The following PRSS36 variants were observed in gnomAD, a reference collection of about 807,000 sequenced individuals.
The protein encoded by PRSS36 is serine protease 36.
PRSS36 carries 90 observed loss-of-function variants against 94.3 expected under a neutral mutation model. The ratio of observed to expected loss-of-function variants is 0.95; its 90% CI spans 0.80 to 1.14. The LOEUF is 1.14. Ranked by LOEUF, PRSS36 falls within the 50% of genes most tolerant of loss-of-function variation. The pLI is 0.00. For synonymous variants in PRSS36, 500 were observed against 489.6 expected (o/e 1.02, Z -0.28); for missense variants, 1,158 against 1,135.0 (o/e 1.02, Z -0.29).
intron 14 of PRSS36, among the ~76,000 whole-genome samples, chr16:31,140,047 C>T (rs1471729574): frequency 3.3e-5 from 5 of 151,064 alleles, no homozygotes; most frequent in Non-Finnish European, 5.9e-5. Flanking sequence ...AAAAATTAGC[C>T]GGGCGTAGTA....
Position 31,148,548 on chromosome 16 carries a change from C to G in PRSS36, c.400G>C (p.Val134Leu). The G allele has an allele frequency of 6.2e-7, 1 of 1,606,258 alleles. No homozygotes were observed. The highest frequency in any genetic ancestry group is 2.2e-5 in the East Asian group (1 of 44,738). The change falls in exon 5 of 15, where the codon GTG becomes CTG. Residue 134 changes from valine (V) to leucine (L), a missense_variant. By Grantham distance (32) the Val-to-Leu change is conservative. Transcript: ENST00000268281. ...AIVVPANYSQ[V>L]ELGADLALLR... ...AGGGCCAGGTCGGCGCCCAGCTCCACTTGGCTGTAGTTGGCCGGCACCACG... is the reference window on the plus strand; with the variant it reads ...AGGGCCAGGTCGGCGCCCAGCTCCAGTTGGCTGTAGTTGGCCGGCACCACG...
intron 12 of PRSS36, among the ~76,000 whole-genome samples, chr16:31,141,016 C>A (rs1249512012): frequency 6.6e-6 from 1 of 152,146 alleles, no homozygotes; most frequent in Non-Finnish European, 1.5e-5. Context: ...CCTCTGCCCT[C>A]CCTGGGTTCA....
chr16:31,146,059 A>G (rs1227345910), intron 5 of PRSS36, 104 bp from the exon 6 acceptor site: 12 of 1,085,808 alleles, frequency 1.1e-5, no homozygotes, highest in Non-Finnish European at 1.6e-5. Context: ...CATCAGCTAG[A>G]TGCCCCATGG....
chr16:31,139,055 C>G lies in PRSS36; in HGVS notation c.*83G>C. On this transcript the variant is annotated 3_prime_UTR_variant, in exon 15 of 15. Coordinates refer to ENST00000268281, the MANE Select transcript of PRSS36 (RefSeq NM_173502.5). The stretch of plus-strand genomic sequence containing the variant: ...TCGGTGGGTGGGGCCCTTGAGGTTC[C>G]AGCCGGCTGGGCCACATTCCAGCCC... 1 of 1,458,552 alleles carries G rather than the reference C, an allele frequency of 6.9e-7. No individual in the cohort carries two copies. The highest frequency in any genetic ancestry group is 1.4e-5 in the South Asian group (1 of 70,476). 90.4% of individuals were successfully genotyped at this position (1,458,552 alleles called of 1,614,324 possible).
chr16:31,139,879 C>CAAAAA (rs71151448), intron 14 of PRSS36, among the ~76,000 whole-genome samples: 2 of 42,500 alleles, frequency 4.7e-5, no homozygotes, highest in East Asian at 7.8e-4. Context: ...GACTCAGTCT[C>CAAAAA]AAAAAAAAAA....
At chr16:31,149,945 C>A in intron 1 of PRSS36, 54 bp downstream of exon 1, 2 of 1,600,748 alleles carry the variant, frequency 1.2e-6, no homozygotes, top group Middle Eastern at 1.7e-4. Flanking sequence ...CTCTCCAGCC[C>A]CCCAGATGCC....
intron 5 of PRSS36, among the ~76,000 whole-genome samples, chr16:31,148,137 GA>G: frequency 6.6e-6 from 1 of 152,240 alleles, no homozygotes; most frequent in South Asian, 2.1e-4. Flanking sequence ...ACCCAGGAAA[GA>G]AAAAACTGGA....
Position 31,141,973 on chromosome 16 carries a change from A to T in PRSS36, c.1522-13T>A, listed in dbSNP as rs368871809. 49 of 1,611,540 alleles carry T rather than the reference A, an allele frequency of 3.0e-5. No individual in the cohort carries two copies. Among genetic ancestry groups the T allele is most frequent in the Non-Finnish European group, 4.0e-5 (47 of 1,177,880 alleles). The stretch of plus-strand genomic sequence containing the variant: ...AACGCGAGTCATTCTGCAGCAACAA[A>T]GTGTGTGTGTTACTTGCCTCTGCGT... On this transcript the variant is annotated splice_polypyrimidine_tract_variant and intron_variant, in intron 10 of 14. Transcript: ENST00000268281.
intron 12 of PRSS36, 94 bp downstream of exon 12, chr16:31,141,375 T>TAAACAAACAAA (rs1567444583): frequency 1.3e-6 from 1 of 795,222 alleles, no homozygotes; most frequent in Admixed American, 3.6e-5. Context: ...TTAATTTTTT[T>TAAACAAACAAA]TAAACAAACA....
Position 31,149,726 on chromosome 16 carries a change from T to G in PRSS36, c.43A>C (p.Ser15Arg), listed in dbSNP as rs764269308. The stretch of plus-strand genomic sequence containing the variant: ...TCCTGGAAGGCTCCTGGGATGGGAC[T>G]GATGACTGGAAAGACAGAGGTAGGC... ...LLLPLVMLVI[S>R]PIPGAFQDSA... Residue 15 changes from serine (S) to arginine (R), a missense_variant, in exon 2 of 15, where the codon AGT becomes CGT. Transcript: ENST00000268281. 1.9e-6 allele frequency: 3 copies of G among 1,614,064 alleles called. No individual in the cohort carries two copies. In the South Asian group the frequency reaches 3.3e-5, roughly 18 times the overall value.
chr16:31,146,418 G>A (rs1010058761), intron 5 of PRSS36, among the ~76,000 whole-genome samples: 3 of 152,062 alleles, frequency 2.0e-5, no homozygotes, highest in African/African-American at 7.2e-5. Context: ...CATTTGTGAC[G>A]TCTTGGCATT....
chr16:31,143,128 C>T (rs1176179406), intron 8 of PRSS36, 135 bp from the exon 9 acceptor site: 3 of 1,315,578 alleles, frequency 2.3e-6, no homozygotes, highest in South Asian at 1.6e-5. Context: ...TCCAACAGCT[C>T]ACTCACACCC....
At chr16:31,148,287 C>T (rs1345627098) in intron 5 of PRSS36, 108 bp downstream of exon 5, 4 of 1,257,080 alleles carry the variant, frequency 3.2e-6, no homozygotes, top group Non-Finnish European at 4.2e-6. Context: ...CCAACGCTCC[C>T]CGCAGGCTCC....
Position 31,143,657 on chromosome 16 carries a change from T to C in PRSS36, c.901A>G (p.Thr301Ala). 2 of 1,614,152 alleles carry C rather than the reference T, an allele frequency of 1.2e-6. No individual in the cohort carries two copies. The highest frequency in any genetic ancestry group is 2.2e-5 in the South Asian group (2 of 91,084). Reference protein sequence around the residue: ...MGSEPGPAFPTQPQKTQSDPQ... With the variant: ...MGSEPGPAFPAQPQKTQSDPQ... ...TCTGACTGGGTCTTCTGGGGCTGGGTGGGAAAGGCAGGCCCAGGCTCTGAA... is the reference window on the plus strand; with the variant it reads ...TCTGACTGGGTCTTCTGGGGCTGGGCGGGAAAGGCAGGCCCAGGCTCTGAA... The change falls in exon 7 of 15, where the codon ACC becomes GCC. Residue 301 changes from threonine (T) to alanine (A), a missense_variant. Transcript: ENST00000268281.
At chr16:31,143,301 G>T in intron 8 of PRSS36, 41 bp downstream of exon 8, 3 of 1,549,944 alleles carry the variant, frequency 1.9e-6, no homozygotes, top group Non-Finnish European at 2.6e-6. Flanking sequence ...CAGGCTGTAG[G>T]GAGGGGCAAG....
At chr16:31,148,969 C>T in intron 4 of PRSS36, 104 bp downstream of exon 4, 1 of 1,229,798 alleles carries the variant, frequency 8.1e-7, no homozygotes, top group Non-Finnish European at 1.1e-6. Context: ...AGCTTGGCTC[C>T]AAATTATCCT....
chr16:31,141,773 T>G lies in PRSS36; in HGVS notation c.1709A>C (p.Asp570Ala), dbSNP rs35319087. 1 of 1,613,960 alleles carries G rather than the reference T, an allele frequency of 6.2e-7. No homozygotes were observed. The highest frequency in any genetic ancestry group is 8.5e-7 in the Non-Finnish European group (1 of 1,179,986). The change falls in exon 11 of 15, where the codon GAT becomes GCT. Residue 570 changes from aspartate to alanine, a missense_variant. Coordinates refer to ENST00000268281, the MANE Select transcript of PRSS36 (RefSeq NM_173502.5). ...EDQLAWDWGP[D>A]GEETETQTCP... Reference sequence around the variant, plus strand: ...AGTCTGTGTCTCAGTCTCCTCCCCATCAGGGCCCCAATCCCAGGCTAGCTG... The same window carrying G: ...AGTCTGTGTCTCAGTCTCCTCCCCAGCAGGGCCCCAATCCCAGGCTAGCTG...
chr16:31,140,183 C>G, intron 14 of PRSS36, 111 bp downstream of exon 14: 1 of 1,248,918 alleles, frequency 8.0e-7, no homozygotes, highest in Non-Finnish European at 1.1e-6. Flanking sequence ...GAGTGAGACT[C>G]TGTCTCAAAA....
At chr16:31,148,979 T>C in intron 4 of PRSS36, 94 bp downstream of exon 4, 1 of 1,347,256 alleles carries the variant, frequency 7.4e-7, no homozygotes, top group Non-Finnish European at 1.0e-6. Context: ...CAAATTATCC[T>C]TGAGGACGGA....
Sources: gnomAD v4.1 joint callset for allele counts (sites outside exome capture counted in the v4.1 genomes callset) on GRCh38, gnomAD v4.1.1 for gene constraint, MANE v1.5 for transcripts, NCBI Gene and HGNC (gene_info 2026-07-23, HGNC 2026-07-21) for gene names.